Variants in KLHL2 observed in about 807,000 individuals in gnomAD.
KLHL2 encodes the protein kelch like family member 2.
In KLHL2, 15 loss-of-function variants were observed where a neutral mutation model predicts 75.8. That is an observed-to-expected ratio of 0.20 (90% CI 0.13 to 0.30). The LOEUF is 0.30. KLHL2 is among the 10% of genes least tolerant of loss of function. KLHL2 has a pLI of 1.00. For missense variants in KLHL2, 381 were observed against 741.0 expected (o/e 0.51, Z 5.64); for synonymous variants, 214 against 251.9 (o/e 0.85, Z 1.42).
At chr4:165,282,394 G>A (rs1473128386) in intron 5 of KLHL2, among the ~76,000 whole-genome samples, 1 of 152,180 alleles carries the variant, frequency 6.6e-6, no homozygotes, top group Non-Finnish European at 1.5e-5. Flanking sequence ...CCAAACTGAT[G>A]CAAAGATGTT....
chr4:165,278,663 A>G (rs1248260798), intron 5 of KLHL2: 3 of 1,600,080 alleles, frequency 1.9e-6, no homozygotes, highest in Non-Finnish European at 2.6e-6. Flanking sequence ...CCAGCGAATA[A>G]CAGCACCAGC....
chr4:165,241,896 A>T (rs1739847783), intron 4 of KLHL2, among the ~76,000 whole-genome samples: 1 of 152,226 alleles, frequency 6.6e-6, no homozygotes, highest in Admixed American at 6.5e-5. Flanking sequence ...TTAACTCCAA[A>T]GAAGGGACTA....
At chr4:165,279,189 T>C in intron 5 of KLHL2, 1 of 1,571,290 alleles carries the variant, frequency 6.4e-7, no homozygotes, top group Non-Finnish European at 8.8e-7. Flanking sequence ...CAGCGAAGTT[T>C]CACTGCACTG....
intron 5 of KLHL2, among the ~76,000 whole-genome samples, chr4:165,273,777 A>G (rs1742869454): frequency 6.6e-6 from 1 of 152,274 alleles, no homozygotes; most frequent in Non-Finnish European, 1.5e-5. Context: ...TATCAGCAGC[A>G]TGAAAACAGA....
intron 1 of KLHL2, chr4:165,208,525 G>T (rs897708425): frequency 9.9e-5 from 15 of 152,126 alleles, no homozygotes; most frequent in Admixed American, 6.5e-5. Context: ...CGACCTGCCA[G>T]GCACAGGTGT....
intron 4 of KLHL2, among the ~76,000 whole-genome samples, chr4:165,251,670 C>G (rs1469096965): frequency 7.2e-6 from 1 of 138,704 alleles, no homozygotes; most frequent in Non-Finnish European, 1.5e-5. Flanking sequence ...AGTGCAGTGG[C>G]GGGATCTCGG....
intron 4 of KLHL2, among the ~76,000 whole-genome samples, chr4:165,258,524 C>A (rs56058696): frequency 0.2 from 30,652 of 151,680 alleles, 3,717 homozygotes; most frequent in Non-Finnish European, 0.29. Flanking sequence ...TTTATTGTAT[C>A]AATGTAATTC....
chr4:165,249,453 A>T (rs2111157630), intron 4 of KLHL2, among the ~76,000 whole-genome samples: 1 of 152,344 alleles, frequency 6.6e-6, no homozygotes, highest in Non-Finnish European at 1.5e-5. Context: ...GCAGGGAATC[A>T]CAAGGAAAGG....
chr4:165,310,525 A>T, intron 9 of KLHL2, 28 bp from the exon 10 acceptor site: 1 of 1,600,096 alleles, frequency 6.2e-7, no homozygotes, highest in South Asian at 1.1e-5. Context: ...TTGCATGTTG[A>T]TCATTAAATG....
At chr4:165,275,005 A>T (rs1031242888) in intron 5 of KLHL2, among the ~76,000 whole-genome samples, 5 of 152,236 alleles carry the variant, frequency 3.3e-5, no homozygotes, top group African/African-American at 1.2e-4. Context: ...GTGGAGTGAC[A>T]GCTCAGTGTG....
chr4:165,230,842 T>C (rs1395191138), intron 3 of KLHL2, among the ~76,000 whole-genome samples: 1 of 152,270 alleles, frequency 6.6e-6, no homozygotes, highest in Non-Finnish European at 1.5e-5. Flanking sequence ...TGGTTCTCTA[T>C]GCTTCATGAT....
chr4:165,285,454 T>A lies in KLHL2; in HGVS notation c.545-8905T>A, dbSNP rs915680504. Among the ~76,000 whole-genome samples, 166 of 152,358 alleles carry A rather than the reference T, an allele frequency of 1.1e-3. 1 individual carries two copies. The highest frequency in any genetic ancestry group is 3.8e-3 in the African/African-American group (159 of 41,586). On this transcript the variant is annotated intron_variant, in intron 5 of 14. Transcript: ENST00000226725. ...GGAGTTTCGTTCTTGTTCCCTAGGCTAGAGTGCAGTGGTGCAATCTAGGCT... is the reference window on the plus strand; with the variant it reads ...GGAGTTTCGTTCTTGTTCCCTAGGCAAGAGTGCAGTGGTGCAATCTAGGCT...
chr4:165,278,669 C>T (rs748803218), intron 5 of KLHL2: 4 of 1,599,516 alleles, frequency 2.5e-6, no homozygotes, highest in Admixed American at 3.3e-5. Flanking sequence ...AATAACAGCA[C>T]CAGCTATAGC....
At chr4:165,270,936 T>C (rs374976674) in intron 5 of KLHL2, among the ~76,000 whole-genome samples, 1 of 152,220 alleles carries the variant, frequency 6.6e-6, no homozygotes, top group Non-Finnish European at 1.5e-5. Context: ...TTGTATGCTT[T>C]GTCGAAGATC....
At chr4:165,309,190 A>G (rs954014908) in intron 9 of KLHL2, among the ~76,000 whole-genome samples, 2 of 152,240 alleles carry the variant, frequency 1.3e-5, no homozygotes, top group African/African-American at 4.8e-5. Flanking sequence ...ATTATATTAT[A>G]GACGGTACAT....
At chr4:165,219,802 T>C in intron 1 of KLHL2, 132 bp from the exon 2 acceptor site, 1 of 1,363,420 alleles carries the variant, frequency 7.3e-7, no homozygotes, top group Non-Finnish European at 9.7e-7. Context: ...ATTGGGATAT[T>C]CTGTCCATGA....
intron 11 of KLHL2, 91 bp downstream of exon 11, chr4:165,311,656 G>A (rs1387734906): frequency 1.2e-6 from 1 of 810,760 alleles, no homozygotes; most frequent in East Asian, 2.5e-5. Flanking sequence ...TTCTGAATGG[G>A]CAAGCTAATT....
At chr4:165,297,899 C>T (rs1318093368) in intron 7 of KLHL2, among the ~76,000 whole-genome samples, 174 bp downstream of exon 7, 2 of 152,190 alleles carry the variant, frequency 1.3e-5, no homozygotes, top group Non-Finnish European at 2.9e-5. Context: ...TCTCGGCTCT[C>T]CGCAACCTCC....
At chr4:165,311,278 T>C (rs971756910) in intron 10 of KLHL2, among the ~76,000 whole-genome samples, 186 bp from the exon 11 acceptor site, 3 of 152,218 alleles carry the variant, frequency 2.0e-5, no homozygotes, top group African/African-American at 7.2e-5. Flanking sequence ...TAAATATCAG[T>C]AGCTTAGGTA....
Sources: allele counts gnomAD v4.1 joint callset (sites outside exome capture counted in the v4.1 genomes callset), GRCh38; gene constraint gnomAD v4.1.1; transcripts MANE v1.5; gene names NCBI Gene and HGNC (gene_info 2026-07-23, HGNC 2026-07-21).